ATP5F1C: variants seen among roughly 807,000 people sequenced by gnomAD.
The protein encoded by ATP5F1C is ATP synthase F1 subunit gamma.
A neutral mutation model predicts 37.4 loss-of-function variants in ATP5F1C; 22 were observed. The ratio of observed to expected loss-of-function variants is 0.59; its 90% CI spans 0.42 to 0.84. The LOEUF (loss-of-function observed/expected upper bound fraction) is 0.84. ATP5F1C is among the 40% of genes least tolerant of loss of function. The pLI is 0.00. For synonymous variants in ATP5F1C, 121 were observed against 128.0 expected (o/e 0.95, Z 0.37); for missense variants, 286 against 362.4 (o/e 0.79, Z 1.71).
At chr10:7,792,753 G>A (rs1008323150) in intron 1 of ATP5F1C, among the ~76,000 whole-genome samples, 3 of 152,188 alleles carry the variant, frequency 2.0e-5, no homozygotes, top group African/African-American at 7.2e-5. Flanking sequence ...ATCCATTCAT[G>A]TATTGAAGGA....
rs1029602871 is a variant in ATP5F1C, at chr10:7,796,916, A to G, written c.92-131A>G. The G allele has an allele frequency of 2.1e-5, 22 of 1,029,032 alleles. No individual in the cohort carries two copies. The African/African-American group carries it at 2.8e-4, about 13-fold the overall frequency. The allele number at this position is 1,029,032 out of a possible 1,614,324, so 63.7% of individuals were successfully genotyped here. A position where few individuals can be genotyped will look rare whatever the true frequency, so the allele number is the denominator to read the frequency against. ...CTAGTTCTAATATTAAGACTGGTTT[A>G]GCATCGTGCTGTTTATTGTTTATCT... On this transcript the variant is annotated intron_variant, in intron 2 of 9. Transcript: ENST00000356708.
intron 6 of ATP5F1C, among the ~76,000 whole-genome samples, chr10:7,801,197 T>C (rs530770003): frequency 2.0e-5 from 3 of 152,386 alleles, no homozygotes; most frequent in African/African-American, 7.2e-5. Context: ...TAATACTTCA[T>C]TTATTTTCAA....
Position 7,799,211 on chromosome 10 carries a change from T to C in ATP5F1C, c.428+17T>C, listed in dbSNP as rs139488592. ...ACTTTATAGGTAATTTAAATATATA[T>C]TGTTTATTTTCATAAAGATGTAAGC... is the stretch of plus-strand genomic sequence containing the variant. On this transcript the variant is annotated intron_variant, in intron 4 of 9. Coordinates refer to ENST00000356708, the MANE Select transcript of ATP5F1C (RefSeq NM_001001973.3). The C allele has an allele frequency of 2.6e-5, 42 of 1,596,158 alleles. No individual in the cohort carries two copies. The African/African-American group carries it at 5.3e-4, about 20-fold the overall frequency.
At chr10:7,791,598 G>A (rs1836165973) in intron 1 of ATP5F1C, among the ~76,000 whole-genome samples, 2 of 152,168 alleles carry the variant, frequency 1.3e-5, no homozygotes, top group Non-Finnish European at 2.9e-5. Flanking sequence ...GTAGATAGTG[G>A]TAATCCACGG....
chr10:7,789,145 G>A (rs771684206), intron 1 of ATP5F1C, among the ~76,000 whole-genome samples: 1 of 152,078 alleles, frequency 6.6e-6, no homozygotes, highest in Non-Finnish European at 1.5e-5. Context: ...TGTGGGTGGT[G>A]CTGTTCAGTT....
intron 2 of ATP5F1C, 163 bp from the exon 3 acceptor site, chr10:7,796,884 A>G (rs754824187): frequency 7.3e-5 from 56 of 762,062 alleles, no homozygotes; most frequent in Non-Finnish European, 1.0e-4. Context: ...GTGCCCGGCT[A>G]TTAGTACTAG....
chr10:7,798,412 AT>A (rs1197151480), intron 3 of ATP5F1C, among the ~76,000 whole-genome samples: 26 of 144,178 alleles, frequency 1.8e-4, no homozygotes, highest in Admixed American at 1.7e-3. Context: ...TAATTTTTGT[AT>A]TTTTTTTTTC....
chr10:7,793,339 C>T (rs1448217363), intron 1 of ATP5F1C, among the ~76,000 whole-genome samples: 1 of 152,212 alleles, frequency 6.6e-6, no homozygotes, highest in Non-Finnish European at 1.5e-5. Flanking sequence ...TCTCGGAACT[C>T]CTGACCTCGT....
At chr10:7,796,999 A>G in intron 2 of ATP5F1C, 48 bp from the exon 3 acceptor site, 1 of 1,580,634 alleles carries the variant, frequency 6.3e-7, no homozygotes, top group Non-Finnish European at 8.6e-7. Context: ...TTCACAAGGA[A>G]GTTATACTGT....
At chr10:7,794,546 TG>T (rs1445485298) in intron 1 of ATP5F1C, among the ~76,000 whole-genome samples, 1 of 151,982 alleles carries the variant, frequency 6.6e-6, no homozygotes, top group Non-Finnish European at 1.5e-5. Flanking sequence ...ATTCCTAGTT[TG>T]CTGAGAGACT....
intron 1 of ATP5F1C, among the ~76,000 whole-genome samples, chr10:7,790,192 C>T (rs189894714): frequency 9.7e-4 from 148 of 152,298 alleles, no homozygotes; most frequent in African/African-American, 3.2e-3. Context: ...TTTGTCTTAA[C>T]GAACCATGAA....
chr10:7,804,379 C>T (rs1836433616), intron 8 of ATP5F1C, among the ~76,000 whole-genome samples: 1 of 152,202 alleles, frequency 6.6e-6, no homozygotes, highest in Non-Finnish European at 1.5e-5. Flanking sequence ...CCATTTCTCA[C>T]GTCCTTGAAC....
chr10:7,789,999 A>G (rs544901465), intron 1 of ATP5F1C, among the ~76,000 whole-genome samples: 3 of 152,324 alleles, frequency 2.0e-5, no homozygotes, highest in East Asian at 3.9e-4. Context: ...TAAATCATCA[A>G]TCAACAGTGT....
chr10:7,807,570 C>T, intron 9 of ATP5F1C, 89 bp from the exon 10 acceptor site: 1 of 1,434,912 alleles, frequency 7.0e-7, no homozygotes, highest in Non-Finnish European at 9.6e-7. Context: ...TTCTCTGTAC[C>T]CCACTTAAAT....
intron 3 of ATP5F1C, among the ~76,000 whole-genome samples, chr10:7,797,749 A>G (rs1262159423): frequency 1.3e-5 from 2 of 152,142 alleles, no homozygotes; most frequent in Non-Finnish European, 2.9e-5. Context: ...TGAAGCAGGA[A>G]AAGCAGCTGA....
At chr10:7,802,495 G>A (rs1171620340) in intron 7 of ATP5F1C, 70 bp downstream of exon 7, 1 of 1,527,896 alleles carries the variant, frequency 6.5e-7, no homozygotes, top group Non-Finnish European at 8.8e-7. Flanking sequence ...GCTGAGAGGA[G>A]TCCGTGGCCG....
At chr10:7,792,401 A>G (rs1008230027) in intron 1 of ATP5F1C, among the ~76,000 whole-genome samples, 8 of 152,186 alleles carry the variant, frequency 5.3e-5, no homozygotes, top group Admixed American at 5.2e-4. Context: ...CGCAAAAAAC[A>G]AAGATCCACT....
intron 8 of ATP5F1C, chr10:7,804,097 G>A (rs1836426971): frequency 1.9e-6 from 1 of 518,902 alleles, no homozygotes; most frequent in Non-Finnish European, 3.8e-6. Context: ...GCAGAACAGA[G>A]GTTGCTAAAC....
At chr10:7,790,821 T>C (rs985155152) in intron 1 of ATP5F1C, among the ~76,000 whole-genome samples, 1 of 152,156 alleles carries the variant, frequency 6.6e-6, no homozygotes, top group Admixed American at 6.5e-5. Context: ...ATATATGCAA[T>C]AAAAGTGCAC....
Sources: gnomAD v4.1 joint callset for allele counts (sites outside exome capture counted in the v4.1 genomes callset) on GRCh38, gnomAD v4.1.1 for gene constraint, MANE v1.5 for transcripts, NCBI Gene and HGNC (gene_info 2026-07-23, HGNC 2026-07-21) for gene names.